The following WDR33 variants were observed in gnomAD, a reference collection of about 807,000 sequenced individuals.
WDR33 encodes pre-mRNA 3' end processing protein WDR33.
WDR33 carries 47 observed loss-of-function variants against 164.9 expected under a neutral mutation model. The observed-to-expected ratio is 0.29, with a 90% CI of 0.23 to 0.36. The LOEUF (loss-of-function observed/expected upper bound fraction) is 0.36, where lower values mean the gene tolerates loss of function less well. Among genes scored for constraint, WDR33 ranks in the 10% least tolerant of loss-of-function variants. The pLI is 1.00. For missense variants in WDR33, 1,137 were observed against 1,754.1 expected (o/e 0.65, Z 6.28); for synonymous variants, 505 against 589.0 (o/e 0.86, Z 2.06).
At chr2:127,794,487 G>A (rs1380824886) in intron 1 of WDR33, among the ~76,000 whole-genome samples, 2 of 150,536 alleles carry the variant, frequency 1.3e-5, no homozygotes, top group Admixed American at 1.3e-4. Context: ...GGGGACAAGA[G>A]CGAGACTTCA....
rs1261163936 is a variant in WDR33, at chr2:127,705,703, A to G, written c.*620T>C. The stretch of plus-strand genomic sequence containing the variant: ...GTCTGAATAAAAATTTGAACCTACT[A>G]CAAACTACATTAGAATAATTTTCAA... On this transcript the variant is annotated 3_prime_UTR_variant, in exon 22 of 22. Transcript: ENST00000322313. This position sits in a 1 kb window ranked among gnomAD's most constrained non-coding sequence, Gnocchi z 4.5. 1 of 152,206 alleles carries G rather than the reference A, an allele frequency of 6.6e-6. No individual in the cohort carries two copies. Among genetic ancestry groups the G allele is most frequent in the Admixed American group, 6.5e-5 (1 of 15,280 alleles). 9.4% of individuals were successfully genotyped at this position (152,206 alleles called of 1,614,324 possible).
chr2:127,789,951 T>G (rs1688787499), intron 1 of WDR33, among the ~76,000 whole-genome samples: 1 of 152,080 alleles, frequency 6.6e-6, no homozygotes, highest in South Asian at 2.1e-4. Flanking sequence ...TCCTTTCACC[T>G]CAGCCTCCAG....
intron 7 of WDR33, among the ~76,000 whole-genome samples, chr2:127,730,634 AAAAGCAAGCAAAACACAC>A (rs1485282885): frequency 6.6e-6 from 1 of 150,918 alleles, no homozygotes; most frequent in African/African-American, 2.5e-5. Flanking sequence ...ATGTGAACTA[AAAAGCAAGCAAAACACAC>A]AAACTATACA....
intron 1 of WDR33, 122 bp from the exon 2 acceptor site, chr2:127,771,126 A>C: frequency 1.3e-6 from 1 of 747,806 alleles, no homozygotes; most frequent in Non-Finnish European, 2.1e-6. Context: ...ATTTCCACTT[A>C]CACAATGAAC....
chr2:127,773,058 C>G (rs147404497), intron 1 of WDR33, among the ~76,000 whole-genome samples: 9 of 152,022 alleles, frequency 5.9e-5, no homozygotes, highest in Non-Finnish European at 1.2e-4. Context: ...ATCACTTGAG[C>G]CTGGGAAGTC....
In WDR33 at chr2:127,702,854, A is replaced by G. The variant is rs1685927610; in HGVS notation, c.*3469T>C. 6.0e-6 allele frequency: 1 copy of G among 166,810 alleles called. No individual in the cohort carries two copies. The highest frequency in any genetic ancestry group is 1.5e-5 in the Non-Finnish European group (1 of 68,108). The allele number at this position is 166,810 out of a possible 1,614,324, so 10.3% of individuals were successfully genotyped here. A position where few individuals can be genotyped will look rare whatever the true frequency, so the allele number is the denominator to read the frequency against. On this transcript the variant is annotated 3_prime_UTR_variant, in exon 22 of 22. Coordinates refer to ENST00000322313, the MANE Select transcript of WDR33 (RefSeq NM_018383.5). ...TGCCCCAAGAAGCATGGGATCCAGGAAGGGGCGCGTAGATGCTTAACGGTC... is the reference window on the plus strand; with the variant it reads ...TGCCCCAAGAAGCATGGGATCCAGGGAGGGGCGCGTAGATGCTTAACGGTC...
At chr2:127,786,844 C>CTTTTTTTTTTTT (rs71307273) in intron 1 of WDR33, among the ~76,000 whole-genome samples, 3 of 111,842 alleles carry the variant, frequency 2.7e-5, no homozygotes, top group Admixed American at 9.4e-5. Flanking sequence ...CCTTTCTGTT[C>CTTTTTTTTTTTT]TTTTTTTTTT....
chr2:127,788,278 G>A (rs1329716111), intron 1 of WDR33, among the ~76,000 whole-genome samples: 4 of 131,456 alleles, frequency 3.0e-5, no homozygotes, highest in African/African-American at 1.2e-4. Context: ...CGGACAGGGC[G>A]GCCGGCCGGG....
chr2:127,701,381 C>A lies in WDR33; in HGVS notation c.*4942G>T. 1 of 759,272 alleles carries A rather than the reference C, an allele frequency of 1.3e-6. No individual in the cohort carries two copies. Among genetic ancestry groups the A allele is most frequent in the Non-Finnish European group, 1.8e-6 (1 of 560,886 alleles). The allele number at this position is 759,272 out of a possible 1,614,324, so 47.0% of individuals were successfully genotyped here. A position where few individuals can be genotyped will look rare whatever the true frequency, so the allele number is the denominator to read the frequency against. ...TACTTGGGGACACCACAAAAGTCCG[C>A]AGAGCAGGCACCGCGGCACTTCCGC... On this transcript the variant is annotated 3_prime_UTR_variant, in exon 22 of 22. Coordinates refer to ENST00000322313, the MANE Select transcript of WDR33 (RefSeq NM_018383.5).
rs191503716 is a variant in WDR33 at position 127,741,553 on chromosome 2, A to G, written c.725-14776T>C. On this transcript the variant is annotated intron_variant, in intron 7 of 21. Transcript: ENST00000322313. The surrounding 1 kb of genome is among the most constrained non-coding windows in gnomAD (Gnocchi z 4.1). ...GAATCCACAGTGAGATCTTCCATCC[A>G]GGAGAGGACCCTTGTAGGTAAGCGA... Among the ~76,000 whole-genome samples the G allele has an allele frequency of 6.6e-6, 1 of 152,320 alleles. No homozygotes were observed. Among genetic ancestry groups the G allele is most frequent in the East Asian group, 1.9e-4 (1 of 5,182 alleles).
chr2:127,751,886 G>A (rs1292997417), intron 7 of WDR33, among the ~76,000 whole-genome samples: 3 of 152,084 alleles, frequency 2.0e-5, no homozygotes, highest in Non-Finnish European at 2.9e-5. Flanking sequence ...GTAAGGTTTC[G>A]GCTCCTACCC....
intron 4 of WDR33, 137 bp from the exon 5 acceptor site, chr2:127,765,406 T>C (rs956192320): frequency 1.3e-5 from 9 of 668,918 alleles, no homozygotes; most frequent in African/African-American, 1.3e-4. Flanking sequence ...AGCTCAGCTT[T>C]ATCAGAAGTA....
chr2:127,745,830 G>A (rs1687151642), intron 7 of WDR33, among the ~76,000 whole-genome samples: 3 of 152,046 alleles, frequency 2.0e-5, no homozygotes, highest in African/African-American at 4.8e-5. Flanking sequence ...ACAGCACGTC[G>A]TTCTCCAGAA....
intron 7 of WDR33, among the ~76,000 whole-genome samples, chr2:127,752,001 G>C (rs1363796677): frequency 6.6e-6 from 1 of 152,190 alleles, no homozygotes; most frequent in Non-Finnish European, 1.5e-5. Flanking sequence ...TCACGGGGTG[G>C]ACGCAGAGGG....
In WDR33 at chr2:127,771,008, G is replaced by C. The variant is rs1291780785; in HGVS notation, c.-23-4C>G. On this transcript the variant is annotated splice_polypyrimidine_tract_variant and splice_region_variant and intron_variant, in intron 1 of 21. Coordinates refer to ENST00000322313, the MANE Select transcript of WDR33 (RefSeq NM_018383.5). ...GTGATGTTTTCCTTCTAGGATACTA[G>C]GATAAGGAAAAAGTACTTTCACTAC... The C allele has an allele frequency of 1.2e-6, 2 of 1,606,330 alleles. No homozygotes were observed. The highest frequency in any genetic ancestry group is 2.2e-5 in the East Asian group (1 of 44,766).
rs963874926 is a variant in WDR33 at position 127,770,308 on chromosome 2, T to C, written c.204+470A>G. Among the ~76,000 whole-genome samples the C allele has an allele frequency of 6.6e-6, 1 of 152,224 alleles. No homozygotes were observed. Among genetic ancestry groups the C allele is most frequent in the African/African-American group, 2.4e-5 (1 of 41,452 alleles). ...TAGTGGTTTGAGGTTCTTCCTAAAT[T>C]AGCCAATTTGAAATTCCACCGTGTC... On this transcript the variant is annotated intron_variant, in intron 2 of 21. Transcript: ENST00000322313. This position sits in a 1 kb window ranked among gnomAD's most constrained non-coding sequence, Gnocchi z 4.9.
chr2:127,790,290 C>T (rs541209332), intron 1 of WDR33, among the ~76,000 whole-genome samples: 1 of 152,290 alleles, frequency 6.6e-6, no homozygotes, highest in East Asian at 1.9e-4. Context: ...CAGAATAAAC[C>T]TCATTGATCA....
In WDR33 at chr2:127,702,095, C is replaced by T; in HGVS notation, c.*4228G>A. 4.1e-6 allele frequency: 5 copies of T among 1,217,004 alleles called. No individual in the cohort carries two copies. Among genetic ancestry groups the T allele is most frequent in the Non-Finnish European group, 5.1e-6 (5 of 981,048 alleles). The allele number at this position is 1,217,004 out of a possible 1,614,324, so 75.4% of individuals were successfully genotyped here. On this transcript the variant is annotated 3_prime_UTR_variant, in exon 22 of 22. Transcript: ENST00000322313. ...TGGCCGCGCTGGTTGGGCTGCTGCC[C>T]TGGGGCGGCGGCACCGCGCTGCGCC...
chr2:127,795,529 T>C (rs1689008018), intron 1 of WDR33, among the ~76,000 whole-genome samples: 1 of 151,880 alleles, frequency 6.6e-6, no homozygotes, highest in Non-Finnish European at 1.5e-5. Context: ...TTAGTTAGAT[T>C]TGCAGAATTA....
Sources: allele counts gnomAD v4.1 joint callset (sites outside exome capture counted in the v4.1 genomes callset), GRCh38; gene constraint gnomAD v4.1.1; non-coding constraint Gnocchi (gnomAD v3.1); transcripts MANE v1.5; gene names NCBI Gene and HGNC (gene_info 2026-07-23, HGNC 2026-07-21).